SPOCK3: variants seen among roughly 807,000 people sequenced by gnomAD.
SPOCK3 encodes the protein testican-3.
Under a neutral mutation model 56.6 loss-of-function variants are expected in SPOCK3, and 30 were observed. That is an observed-to-expected ratio of 0.53 (90% CI 0.40 to 0.72). The LOEUF (loss-of-function observed/expected upper bound fraction) is 0.72. Ranked by LOEUF, SPOCK3 falls within the 30% of genes least tolerant of loss-of-function variation. SPOCK3 has a pLI of 0.00. For synonymous variants in SPOCK3, 196 were observed against 183.3 expected (o/e 1.07, Z -0.56); for missense variants, 527 against 530.0 (o/e 0.99, Z 0.06).
intron 10 of SPOCK3, among the ~76,000 whole-genome samples, chr4:166,735,442 C>T (rs1466697211): frequency 6.6e-6 from 1 of 151,886 alleles, no homozygotes; most frequent in East Asian, 1.9e-4. Context: ...AATTGCCCTA[C>T]CAAAGATATT....
In SPOCK3 at chr4:167,203,359, T is replaced by C. The variant is rs112456717; in HGVS notation, c.189+30626A>G. ...ACCTATATACATATTTTAAGTTACA[T>C]TATTTAATTGTGGTAGAGACTTTTG... On this transcript the variant is annotated intron_variant, in intron 2 of 10. Transcript: ENST00000357545. Among the ~76,000 whole-genome samples the C allele has an allele frequency of 9.6e-3, 1,465 of 152,088 alleles. 22 individuals carry two copies. The highest frequency in any genetic ancestry group is 0.033 in the African/African-American group (1,377 of 41,524).
chr4:167,053,200 T>C (rs912733508), intron 3 of SPOCK3, among the ~76,000 whole-genome samples: 1 of 152,146 alleles, frequency 6.6e-6, no homozygotes, highest in Admixed American at 6.6e-5. Context: ...ATGACTGCCC[T>C]TCCAAAGAGC....
intron 3 of SPOCK3, among the ~76,000 whole-genome samples, chr4:167,013,601 T>C (rs1029256409): frequency 1.3e-5 from 2 of 151,836 alleles, no homozygotes; most frequent in Admixed American, 6.6e-5. Context: ...ACATGATATA[T>C]AATAAAGATG....
chr4:166,903,305 T>G (rs1736259898), intron 5 of SPOCK3, among the ~76,000 whole-genome samples: 1 of 151,898 alleles, frequency 6.6e-6, no homozygotes, highest in Non-Finnish European at 1.5e-5. Flanking sequence ...TTGGTGTAAC[T>G]TAATATATGA....
chr4:167,004,353 G>T (rs928876489), intron 3 of SPOCK3, among the ~76,000 whole-genome samples: 1 of 152,138 alleles, frequency 6.6e-6, no homozygotes, highest in Non-Finnish European at 1.5e-5. Flanking sequence ...GTAGAAAAAG[G>T]ATGCCCTACT....
chr4:166,850,359 G>T (rs139019003), intron 6 of SPOCK3, among the ~76,000 whole-genome samples: 1 of 152,190 alleles, frequency 6.6e-6, no homozygotes, highest in African/African-American at 2.4e-5. Context: ...TGGAATAAAA[G>T]ATGTCTAGAG....
chr4:166,970,136 G>A (rs1401316684), intron 4 of SPOCK3, among the ~76,000 whole-genome samples: 1 of 152,192 alleles, frequency 6.6e-6, no homozygotes, highest in East Asian at 1.9e-4. Flanking sequence ...TAAAGTAGCT[G>A]TAGTCTGAGT....
intron 6 of SPOCK3, among the ~76,000 whole-genome samples, chr4:166,867,813 A>G (rs76022439): frequency 0.047 from 7,188 of 151,864 alleles, 603 homozygotes; most frequent in East Asian, 0.4. Context: ...TTGTGAAAGG[A>G]AAAACTGAAA....
intron 3 of SPOCK3, among the ~76,000 whole-genome samples, chr4:167,024,912 T>A (rs1260560679): frequency 3.3e-5 from 5 of 152,010 alleles, no homozygotes; most frequent in Non-Finnish European, 5.9e-5. Context: ...TTACTAATAT[T>A]TTATTATTTG....
chr4:167,099,933 T>C (rs1759488377), intron 2 of SPOCK3, among the ~76,000 whole-genome samples: 2 of 152,102 alleles, frequency 1.3e-5, no homozygotes, highest in African/African-American at 4.8e-5. Context: ...GACACATTAA[T>C]TTCTTTCTTC....
intron 6 of SPOCK3, among the ~76,000 whole-genome samples, chr4:166,839,504 A>G (rs2126822551): frequency 6.6e-6 from 1 of 152,240 alleles, no homozygotes; most frequent in East Asian, 1.9e-4. Flanking sequence ...AAAGGCTGTC[A>G]CTAAGGCAGA....
chr4:166,885,064 T>A (rs1336542593), intron 6 of SPOCK3, among the ~76,000 whole-genome samples: 1 of 151,908 alleles, frequency 6.6e-6, no homozygotes, highest in African/African-American at 2.4e-5. Flanking sequence ...TCCAGAAAAA[T>A]AAGCTAGTCC....
At chr4:166,742,129 C>A in intron 8 of SPOCK3, 70 bp from the exon 9 acceptor site, 1 of 1,146,080 alleles carries the variant, frequency 8.7e-7, no homozygotes, top group South Asian at 1.3e-5. Flanking sequence ...TCTATGTTAT[C>A]AAACTTCACT....
At chr4:166,763,730 C>T (rs1211067791) in intron 7 of SPOCK3, among the ~76,000 whole-genome samples, 1 of 151,948 alleles carries the variant, frequency 6.6e-6, no homozygotes, top group Non-Finnish European at 1.5e-5. Context: ...TTTGAAGGTA[C>T]ATTGTGATAA....
chr4:167,203,763 T>C (rs1391696430), intron 2 of SPOCK3, among the ~76,000 whole-genome samples: 1 of 151,556 alleles, frequency 6.6e-6, no homozygotes, highest in African/African-American at 2.4e-5. Context: ...CCCTGAGAAA[T>C]GAAATAACCA....
At chr4:166,751,666 G>A (rs1736388954) in intron 8 of SPOCK3, among the ~76,000 whole-genome samples, 1 of 152,142 alleles carries the variant, frequency 6.6e-6, no homozygotes, top group Non-Finnish European at 1.5e-5. Flanking sequence ...ACTAGGTGGA[G>A]CTGAATAAAT....
At chr4:166,973,988 C>T (rs1388740336) in intron 4 of SPOCK3, among the ~76,000 whole-genome samples, 1 of 151,998 alleles carries the variant, frequency 6.6e-6, no homozygotes, top group Non-Finnish European at 1.5e-5. Flanking sequence ...TATTTATATA[C>T]CTAAATTTGA....
chr4:166,890,017 A>G (rs1260722021), intron 5 of SPOCK3, among the ~76,000 whole-genome samples: 3 of 151,978 alleles, frequency 2.0e-5, no homozygotes, highest in African/African-American at 7.2e-5. Flanking sequence ...AATGGTTTTT[A>G]GACTGAACTT....
At chr4:167,030,337 A>G (rs1452655293) in intron 3 of SPOCK3, among the ~76,000 whole-genome samples, 1 of 151,974 alleles carries the variant, frequency 6.6e-6, no homozygotes, top group East Asian at 1.9e-4. Context: ...GATAAACATT[A>G]TTTTTTATCA....
Sources: gnomAD v4.1 joint callset for allele counts (sites outside exome capture counted in the v4.1 genomes callset) on GRCh38, gnomAD v4.1.1 for gene constraint, MANE v1.5 for transcripts, NCBI Gene and HGNC (gene_info 2026-07-23, HGNC 2026-07-21) for gene names.